The following IKZF2 variants were observed in gnomAD, a reference collection of about 807,000 sequenced individuals.
IKZF2 encodes zinc finger protein Helios.
IKZF2 carries 15 observed loss-of-function variants against 49.2 expected under a neutral mutation model. The observed-to-expected ratio is 0.30, with a 90% CI of 0.20 to 0.47. IKZF2 has a LOEUF of 0.47. IKZF2 is among the 20% of genes least tolerant of loss of function. The pLI, the probability that IKZF2 is intolerant of heterozygous loss-of-function variation, is 1.00. For missense variants in IKZF2, 567 were observed against 664.6 expected, an observed-to-expected ratio of 0.85 and a Z score of 1.61; for synonymous variants, 227 against 221.4, an observed-to-expected ratio of 1.03 and a Z score of -0.23.
intron 6 of IKZF2, among the ~76,000 whole-genome samples, chr2:213,044,738 T>G (rs1159395687): frequency 6.6e-6 from 1 of 152,120 alleles, no homozygotes; most frequent in Non-Finnish European, 1.5e-5. Context: ...ACAAGAAAGT[T>G]TATGTCAGCT....
chr2:213,060,962 A>C (rs886880761), intron 4 of IKZF2, among the ~76,000 whole-genome samples: 2 of 151,298 alleles, frequency 1.3e-5, no homozygotes, highest in African/African-American at 4.8e-5. Context: ...TTTTCCAAAC[A>C]AAAAAAAGCT....
intron 4 of IKZF2, among the ~76,000 whole-genome samples, chr2:213,121,040 A>AT (rs1320602096): frequency 6.6e-6 from 1 of 152,168 alleles, no homozygotes; most frequent in Non-Finnish European, 1.5e-5. Context: ...CTGCTATTTA[A>AT]TTTTTTTATT....
chr2:213,102,409 A>G (rs1445090490), intron 4 of IKZF2, among the ~76,000 whole-genome samples: 1 of 152,192 alleles, frequency 6.6e-6, no homozygotes, highest in Non-Finnish European at 1.5e-5. Context: ...GTATAGTACC[A>G]TACAGGACTT....
intron 4 of IKZF2, among the ~76,000 whole-genome samples, chr2:213,093,046 C>CATATTT (rs1705537026): frequency 2.0e-5 from 3 of 152,106 alleles, no homozygotes; most frequent in Non-Finnish European, 4.4e-5. Flanking sequence ...TGATTGTGTA[C>CATATTT]CTGCTCTATA....
intron 4 of IKZF2, among the ~76,000 whole-genome samples, chr2:213,093,941 T>C (rs7600645): frequency 0.036 from 5,472 of 152,238 alleles, 347 homozygotes; most frequent in African/African-American, 0.12. Flanking sequence ...TTTGGGAAGT[T>C]AGTAAAAGTT....
At chr2:213,090,754 T>C (rs1705219042) in intron 4 of IKZF2, among the ~76,000 whole-genome samples, 2 of 152,116 alleles carry the variant, frequency 1.3e-5, no homozygotes, top group Admixed American at 6.6e-5. Flanking sequence ...ATGAGGGTGA[T>C]GCAGATATAA....
chr2:213,085,952 G>C lies in IKZF2; in HGVS notation c.140-28853C>G, dbSNP rs1331232502. ...TCACTCTGGCCAAGTTCTTAAACTT[G>C]AGAAGGTGGTGATTAAAAGTTAGCA... On this transcript the variant is annotated intron_variant, in intron 4 of 8. Coordinates refer to ENST00000434687, the MANE Select transcript of IKZF2 (RefSeq NM_001387220.1). Among the ~76,000 whole-genome samples the C allele has an allele frequency of 2.0e-5, 3 of 152,148 alleles. No individual in the cohort carries two copies. The East Asian group carries it at 5.8e-4, about 29-fold the overall frequency.
At chr2:213,111,548 T>TCAAA (rs1187519101) in intron 4 of IKZF2, among the ~76,000 whole-genome samples, 1 of 152,062 alleles carries the variant, frequency 6.6e-6, no homozygotes, top group African/African-American at 2.4e-5. Flanking sequence ...CCTATCAAAT[T>TCAAA]TTTATAATCT....
At chr2:213,079,638 G>A (rs1018451540) in intron 4 of IKZF2, among the ~76,000 whole-genome samples, 1 of 152,132 alleles carries the variant, frequency 6.6e-6, no homozygotes, top group Non-Finnish European at 1.5e-5. Flanking sequence ...ACTACCAAGA[G>A]AGAAAGCTTG....
intron 4 of IKZF2, among the ~76,000 whole-genome samples, chr2:213,140,558 A>G (rs1310527238): frequency 6.6e-6 from 1 of 151,948 alleles, no homozygotes; most frequent in Non-Finnish European, 1.5e-5. Flanking sequence ...AAGACAGATC[A>G]TTAGAATAGA....
At chr2:213,110,259 T>C (rs923945482) in intron 4 of IKZF2, among the ~76,000 whole-genome samples, 1 of 151,978 alleles carries the variant, frequency 6.6e-6, no homozygotes, top group Non-Finnish European at 1.5e-5. Flanking sequence ...AGTATAAAAG[T>C]ATATCTAGTG....
intron 4 of IKZF2, among the ~76,000 whole-genome samples, chr2:213,077,568 C>A (rs16849679): frequency 0.033 from 4,632 of 140,620 alleles, 111 homozygotes; most frequent in African/African-American, 0.061. Flanking sequence ...AGTTCTGATA[C>A]TATTCTATGT....
At chr2:213,040,759 C>A (rs942241083) in intron 6 of IKZF2, among the ~76,000 whole-genome samples, 1 of 152,064 alleles carries the variant, frequency 6.6e-6, no homozygotes, top group African/African-American at 2.4e-5. Context: ...ACCTATAAAA[C>A]TGAAAAATCT....
At chr2:213,138,580 C>T (rs1216954797) in intron 4 of IKZF2, among the ~76,000 whole-genome samples, 1 of 151,940 alleles carries the variant, frequency 6.6e-6, no homozygotes, top group Non-Finnish European at 1.5e-5. Context: ...TTACAGGGCT[C>T]CTACAATGCA....
At chr2:213,051,893 T>C (rs1356575693) in intron 5 of IKZF2, among the ~76,000 whole-genome samples, 1 of 152,000 alleles carries the variant, frequency 6.6e-6, no homozygotes, top group Non-Finnish European at 1.5e-5. Flanking sequence ...TGGTGAACAA[T>C]TTGAAGTCAT....
chr2:213,058,197 C>A (rs991103749), intron 4 of IKZF2, among the ~76,000 whole-genome samples: 44 of 152,206 alleles, frequency 2.9e-4, no homozygotes, highest in African/African-American at 9.9e-4. Context: ...CAAGAGGGTG[C>A]ACTATCAAAA....
intron 4 of IKZF2, among the ~76,000 whole-genome samples, chr2:213,103,731 T>C (rs1428568227): frequency 2.0e-5 from 3 of 152,146 alleles, no homozygotes; most frequent in Non-Finnish European, 4.4e-5. Flanking sequence ...AAATTACAAA[T>C]AAGCTATTTT....
intron 4 of IKZF2, among the ~76,000 whole-genome samples, chr2:213,064,490 T>A (rs1184850914): frequency 6.6e-6 from 1 of 152,020 alleles, no homozygotes; most frequent in Non-Finnish European, 1.5e-5. Context: ...CCATGAAACC[T>A]TGTATAGCGT....
chr2:213,105,923 T>C (rs2059509160), intron 4 of IKZF2, among the ~76,000 whole-genome samples: 1 of 152,232 alleles, frequency 6.6e-6, no homozygotes, highest in African/African-American at 2.4e-5. Flanking sequence ...ACAACTTGTT[T>C]TACACTGACT....
Sources: gnomAD v4.1 joint callset for allele counts (sites outside exome capture counted in the v4.1 genomes callset) on GRCh38, gnomAD v4.1.1 for gene constraint, MANE v1.5 for transcripts, NCBI Gene and HGNC (gene_info 2026-07-23, HGNC 2026-07-21) for gene names.